Variants in BDNF observed in about 807,000 individuals in gnomAD.
BDNF encodes neurotrophic factor BDNF precursor form.
Under a neutral mutation model 19.5 loss-of-function variants are expected in BDNF, and 1 was observed. The ratio of observed to expected loss-of-function variants is 0.05; its 90% CI spans 0.02 to 0.24. The LOEUF is 0.24. Among genes scored for constraint, BDNF ranks in the 10% least tolerant of loss-of-function variants. BDNF has a pLI of 1.00. For missense variants in BDNF, 195 were observed against 317.6 expected (o/e 0.61, Z 2.93); for synonymous variants, 100 against 121.6 (o/e 0.82, Z 1.17).
At chr11:27,679,969 C>T (rs1474980074) in intron 1 of BDNF, among the ~76,000 whole-genome samples, 2 of 152,222 alleles carry the variant, frequency 1.3e-5, no homozygotes, top group African/African-American at 2.4e-5. Flanking sequence ...TCTGCTTTCT[C>T]CAGAGCTACA....
intron 1 of BDNF, among the ~76,000 whole-genome samples, chr11:27,673,419 GAGAA>G (rs1052348009): frequency 7.2e-5 from 11 of 152,250 alleles, no homozygotes; most frequent in South Asian, 2.1e-4. Context: ...TTACAAGAGA[GAGAA>G]AGAGAAAAAA....
chr11:27,713,818 C>G (rs1590497834), intron 1 of BDNF, among the ~76,000 whole-genome samples: 2 of 152,250 alleles, frequency 1.3e-5, no homozygotes, highest in East Asian at 3.9e-4. Context: ...CTGGGAAATG[C>G]CCAGAGTGGA....
At chr11:27,664,916 A>C (rs1179279925) in intron 1 of BDNF, among the ~76,000 whole-genome samples, 1 of 152,202 alleles carries the variant, frequency 6.6e-6, no homozygotes, top group African/African-American at 2.4e-5. Context: ...AGTAGCACAC[A>C]TCTCCAGTCT....
intron 1 of BDNF, among the ~76,000 whole-genome samples, chr11:27,705,519 C>G (rs143347597): frequency 6.6e-6 from 1 of 152,104 alleles, no homozygotes; most frequent in Non-Finnish European, 1.5e-5. Flanking sequence ...TTCCTAAAGT[C>G]TTATTTTAAA....
chr11:27,667,481 T>G (rs554002250), intron 1 of BDNF, among the ~76,000 whole-genome samples: 1 of 152,252 alleles, frequency 6.6e-6, no homozygotes, highest in African/African-American at 2.4e-5. Context: ...GCAAATTGGA[T>G]AAAGAGTCAA....
chr11:27,693,744 G>A (rs1267052366), intron 1 of BDNF, among the ~76,000 whole-genome samples: 1 of 152,234 alleles, frequency 6.6e-6, no homozygotes, highest in Non-Finnish European at 1.5e-5. Flanking sequence ...AAGTGAACAT[G>A]TGAAAAGACA....
At chr11:27,699,707 T>G in intron 1 of BDNF, 1 of 1,383,358 alleles carries the variant, frequency 7.2e-7, no homozygotes, top group Non-Finnish European at 9.4e-7. Flanking sequence ...GGCGCAAGCT[T>G]CCCTCCCACT....
rs1407848775 is a variant in BDNF at position 27,657,459 on chromosome 11, GTGTGT to G, written c.*357_*361del. 1.3e-5 allele frequency: 13 copies of G among 1,006,598 alleles called. No individual in the cohort carries two copies. The highest frequency in any genetic ancestry group is 1.0e-4 in the East Asian group (1 of 9,652). 62.4% of individuals were successfully genotyped at this position (1,006,598 alleles called of 1,614,324 possible). A position where few individuals can be genotyped will look rare whatever the true frequency, so the allele number is the denominator to read the frequency against. On this transcript the variant is annotated 3_prime_UTR_variant, in exon 2 of 2. Coordinates refer to ENST00000356660, the MANE Select transcript of BDNF (RefSeq NM_001709.5). This position sits in a 1 kb window ranked among gnomAD's most constrained non-coding sequence, Gnocchi z 5.0. ...TGGTTCAAATTTTTGTTGTGTGTGT[GTGTGT>G]TTTTTTTCTGTTTTCTGAAAGAGGA...
intron 1 of BDNF, chr11:27,719,442 G>A (rs1275292426): frequency 3.0e-6 from 3 of 986,008 alleles, no homozygotes; most frequent in African/African-American, 3.5e-5. Flanking sequence ...TGGCTCTTCG[G>A]TCCGGAAAGG....
intron 1 of BDNF, among the ~76,000 whole-genome samples, chr11:27,687,412 A>G (rs1857621670): frequency 6.6e-6 from 1 of 152,104 alleles, no homozygotes; most frequent in Non-Finnish European, 1.5e-5. Flanking sequence ...ACTTCTGTCA[A>G]TTCATCAAAC....
chr11:27,720,367 C>T (rs1349966654), intron 1 of BDNF: 3 of 985,800 alleles, frequency 3.0e-6, no homozygotes, highest in Non-Finnish European at 3.6e-6. Flanking sequence ...CTTACACCAC[C>T]CCGGTGGCTA....
intron 1 of BDNF, chr11:27,719,572 T>A (rs889069126): frequency 2.0e-6 from 2 of 984,008 alleles, no homozygotes; most frequent in African/African-American, 1.8e-5. Flanking sequence ...CAGCTCCCCT[T>A]CCCTTGAGAA....
rs55917552 is a variant in BDNF, at chr11:27,659,629, CTG to C, written c.-21-1046_-21-1045del. The C allele has an allele frequency of 9.2e-3, 9,081 of 982,478 alleles. 27 individuals are homozygous for C. The highest frequency in any genetic ancestry group is 0.011 in the Admixed American group (172 of 16,170). 60.9% of individuals were successfully genotyped at this position (982,478 alleles called of 1,614,324 possible). On this transcript the variant is annotated intron_variant, in intron 1 of 1. Transcript: ENST00000356660. ...TTTCTTTTTACTAGAGATGTTCTCT[CTG>C]TGTGTGTGTGTGTGTGTGCGCGCGC...
chr11:27,693,282 C>G (rs191721338), intron 1 of BDNF, among the ~76,000 whole-genome samples: 1 of 152,348 alleles, frequency 6.6e-6, no homozygotes, highest in Admixed American at 6.5e-5. Context: ...TGTCACACCA[C>G]TGGCTTATAC....
At chr11:27,711,764 C>T in intron 1 of BDNF, among the ~76,000 whole-genome samples, 1 of 152,178 alleles carries the variant, frequency 6.6e-6, no homozygotes, top group East Asian at 1.9e-4. Flanking sequence ...AAACAAATAA[C>T]AGCACTGGAT....
At position 27,658,718 on chromosome 11, in the gene BDNF, C is replaced by G. The variant is rs1852911265; in HGVS notation, c.-21-133G>C. 6.4e-7 allele frequency: 1 copy of G among 1,559,730 alleles called. No homozygotes were observed. Among genetic ancestry groups the G allele is most frequent in the South Asian group, 1.2e-5 (1 of 83,796 alleles). On this transcript the variant is annotated intron_variant, in intron 1 of 1. Coordinates refer to ENST00000356660, the MANE Select transcript of BDNF (RefSeq NM_001709.5). The surrounding 1 kb of genome is among the most constrained non-coding windows in gnomAD (Gnocchi z 5.7). ...GGTTTTTTTATGTCTTGGTGATAAA[C>G]TCCAGCTGCACCAGACACAAATCAG...
intron 1 of BDNF, among the ~76,000 whole-genome samples, chr11:27,689,048 T>C (rs1857895890): frequency 6.6e-6 from 1 of 152,246 alleles, no homozygotes; most frequent in African/African-American, 2.4e-5. Context: ...AATCTTCCCA[T>C]TACCACTTTA....
intron 1 of BDNF, chr11:27,676,850 T>C (rs1041509850): frequency 3.3e-5 from 5 of 152,222 alleles, no homozygotes; most frequent in South Asian, 2.1e-4. Context: ...GAAAAGAGCA[T>C]TGAAAGCCTT....
At chr11:27,700,058 G>C in intron 1 of BDNF, 106 bp downstream of exon 1, 4 of 952,810 alleles carry the variant, frequency 4.2e-6, no homozygotes, top group Non-Finnish European at 5.0e-6. Flanking sequence ...GAGGAAAGAA[G>C]GAGACTGGCC....
Sources: allele counts gnomAD v4.1 joint callset (sites outside exome capture counted in the v4.1 genomes callset), GRCh38; gene constraint gnomAD v4.1.1; non-coding constraint Gnocchi (gnomAD v3.1); transcripts MANE v1.5; gene names NCBI Gene and HGNC (gene_info 2026-07-23, HGNC 2026-07-21).